The following MACROD2 variants were observed in gnomAD, a reference collection of about 807,000 sequenced individuals.
The protein encoded by MACROD2 is mono-ADP ribosylhydrolase 2.
In MACROD2, 36 loss-of-function variants were observed where a neutral mutation model predicts 70.4. That is an observed-to-expected ratio of 0.51 (90% CI 0.39 to 0.68). The LOEUF (loss-of-function observed/expected upper bound fraction) is 0.68. Ranked by LOEUF, MACROD2 falls within the 30% of genes least tolerant of loss-of-function variation. The probability of loss-of-function intolerance (pLI) is 0.00; values close to 1 mark genes in which losing one functional copy is unlikely to be tolerated. For synonymous variants in MACROD2, 172 were observed against 178.8 expected (o/e 0.96, Z 0.30); for missense variants, 496 against 538.4 (o/e 0.92, Z 0.78).
chr20:15,989,527 T>C (rs2066529814), intron 15 of MACROD2, among the ~76,000 whole-genome samples: 1 of 152,182 alleles, frequency 6.6e-6, no homozygotes, highest in African/African-American at 2.4e-5. Context: ...AAAGAAACCA[T>C]TGAGCTGTTG....
chr20:15,619,570 A>G, intron 8 of MACROD2: 1 of 446,822 alleles, frequency 2.2e-6, no homozygotes, highest in South Asian at 2.5e-5. Context: ...ACCAGTCATC[A>G]GGTTCTTGTC....
chr20:14,973,225 CTTTTTT>C (rs1223038135), intron 5 of MACROD2, among the ~76,000 whole-genome samples: 2 of 85,736 alleles, frequency 2.3e-5, no homozygotes, highest in African/African-American at 4.5e-5. Context: ...TGAGTAGTTG[CTTTTTT>C]TTTTTTTTTT....
chr20:15,486,513 G>A (rs749297853), intron 7 of MACROD2, among the ~76,000 whole-genome samples: 2 of 152,242 alleles, frequency 1.3e-5, no homozygotes, highest in Admixed American at 6.5e-5. Flanking sequence ...ATATGTTACC[G>A]GTGAAGACAT....
At chr20:15,870,235 ATATTATTAT>A (rs74175654) in intron 9 of MACROD2, among the ~76,000 whole-genome samples, 27 of 148,910 alleles carry the variant, frequency 1.8e-4, no homozygotes, top group Admixed American at 7.4e-4. Flanking sequence ...GTTGGGTTTT[ATATTATTAT>A]TATTATTATT....
intron 8 of MACROD2, among the ~76,000 whole-genome samples, chr20:15,651,662 C>T (rs2049645922): frequency 6.6e-6 from 1 of 152,068 alleles, no homozygotes; most frequent in Admixed American, 6.6e-5. Context: ...AATCATCCTC[C>T]CATTATGTCT....
chr20:15,621,231 T>C (rs1210951057), intron 8 of MACROD2, among the ~76,000 whole-genome samples: 2 of 152,196 alleles, frequency 1.3e-5, no homozygotes, highest in Non-Finnish European at 2.9e-5. Flanking sequence ...TTGTTCATTC[T>C]TAGTCTCTTC....
rs1184726227 is a variant in MACROD2, at chr20:14,215,075, CCATCATATATATCTA to C, written c.271+129348_271+129362del. Among the ~76,000 whole-genome samples the C allele has an allele frequency of 0.017, 23 of 1,372 alleles. 1 individual carries two copies. The South Asian group carries it at 0.23, about 14-fold the overall frequency. 0.9% of individuals were successfully genotyped at this position (1,372 alleles called of 152,430 possible). On this transcript the variant is annotated intron_variant, in intron 3 of 17. Transcript: ENST00000684519. ...ATATATATTCCATCATATATCTATTCCATCATATATATCTATTCCATCATATATATCTATTCCATC... is the reference window on the plus strand; with the variant it reads ...ATATATATTCCATCATATATCTATTCTTCCATCATATATATCTATTCCATC...
intron 3 of MACROD2, among the ~76,000 whole-genome samples, chr20:14,195,402 C>T (rs1303723079): frequency 6.6e-6 from 1 of 152,194 alleles, no homozygotes; most frequent in East Asian, 1.9e-4. Context: ...AAGGGAAGGG[C>T]ATGGTCCCTT....
chr20:14,982,322 G>T (rs939031729), intron 5 of MACROD2, among the ~76,000 whole-genome samples: 4 of 152,184 alleles, frequency 2.6e-5, no homozygotes, highest in African/African-American at 9.6e-5. Flanking sequence ...CAGTAGAAGA[G>T]AAAATTCCAT....
rs140922782 is a variant in MACROD2 at position 14,920,187 on chromosome 20, G to C, written c.418+235228G>C. On this transcript the variant is annotated intron_variant, in intron 5 of 17. Transcript: ENST00000684519. ...TACTGGGATAGAGAAGGAGTTGGCA[G>C]CTCTCTTAGAAAACCAGATAGTTTT... Among the ~76,000 whole-genome samples, 91 of 152,282 alleles carry C rather than the reference G, an allele frequency of 6.0e-4. 1 individual carries two copies. In the South Asian group the frequency reaches 9.7e-3, roughly 16 times the overall value.
At chr20:14,755,351 A>T (rs923866831) in intron 5 of MACROD2, among the ~76,000 whole-genome samples, 44 of 152,058 alleles carry the variant, frequency 2.9e-4, no homozygotes, top group African/African-American at 1.0e-3. Flanking sequence ...GGATGAGGTT[A>T]CCATGGTGGG....
At chr20:14,495,368 A>G (rs2084841944) in intron 4 of MACROD2, among the ~76,000 whole-genome samples, 4 of 152,158 alleles carry the variant, frequency 2.6e-5, no homozygotes, top group Admixed American at 2.6e-4. Flanking sequence ...AGAAATAGGA[A>G]AGGCAAAACA....
chr20:14,728,520 A>G (rs1288769544), intron 5 of MACROD2, among the ~76,000 whole-genome samples: 1 of 152,318 alleles, frequency 6.6e-6, no homozygotes, highest in East Asian at 1.9e-4. Flanking sequence ...GCCAGATTCC[A>G]TTTAAAAACC....
At chr20:14,022,130 C>G (rs910195116) in intron 2 of MACROD2, among the ~76,000 whole-genome samples, 1 of 152,136 alleles carries the variant, frequency 6.6e-6, no homozygotes, top group East Asian at 1.9e-4. Flanking sequence ...GTAATTTAAC[C>G]CATATCAATT....
At chr20:14,224,104 A>C (rs184709421) in intron 3 of MACROD2, among the ~76,000 whole-genome samples, 1 of 133,520 alleles carries the variant, frequency 7.5e-6, no homozygotes, top group African/African-American at 2.8e-5. Flanking sequence ...CTCCAAGTCA[A>C]CTGATTTAAT....
intron 3 of MACROD2, among the ~76,000 whole-genome samples, chr20:14,389,530 T>G (rs906488078): frequency 4.6e-5 from 7 of 151,338 alleles, no homozygotes; most frequent in Non-Finnish European, 8.8e-5. Flanking sequence ...ATGGGAGAGA[T>G]AAACTGTTCA....
rs145828589 is a variant in MACROD2 at position 15,622,088 on chromosome 20, G to A, written c.645+122241G>A. 3.1e-4 allele frequency among the ~76,000 whole-genome samples: 47 copies of A among 152,260 alleles called. No homozygotes were observed. In the East Asian group the frequency reaches 8.9e-3, roughly 29 times the overall value. ...AAGGGGAAGGACCAGGGGATGGGGC[G>A]AGGCATTGCTGTCATTCGTCTTGAA... is the stretch of plus-strand genomic sequence containing the variant. On this transcript the variant is annotated intron_variant, in intron 8 of 17. Transcript: ENST00000684519.
At chr20:15,764,912 T>C (rs1004660599) in intron 8 of MACROD2, among the ~76,000 whole-genome samples, 3 of 152,214 alleles carry the variant, frequency 2.0e-5, no homozygotes, top group African/African-American at 7.2e-5. Context: ...TTCTGCTCTC[T>C]GCTCACTCTA....
chr20:15,553,143 T>A (rs992265932), intron 8 of MACROD2, among the ~76,000 whole-genome samples: 1 of 152,202 alleles, frequency 6.6e-6, no homozygotes, highest in African/African-American at 2.4e-5. Context: ...ATAAATAACA[T>A]GGTAATTTAC....
Sources: gnomAD v4.1 joint callset for allele counts (sites outside exome capture counted in the v4.1 genomes callset) on GRCh38, gnomAD v4.1.1 for gene constraint, MANE v1.5 for transcripts, NCBI Gene and HGNC (gene_info 2026-07-23, HGNC 2026-07-21) for gene names.